PPARA: variants seen among roughly 807,000 people sequenced by gnomAD.
The protein encoded by PPARA is peroxisome proliferator-activated receptor alpha.
In PPARA, 22 loss-of-function variants were observed where a neutral mutation model predicts 42.2. The ratio of observed to expected loss-of-function variants is 0.52; its 90% CI spans 0.37 to 0.74. The LOEUF (loss-of-function observed/expected upper bound fraction) is 0.74, where lower values mean the gene tolerates loss of function less well. PPARA is among the 30% of genes least tolerant of loss of function. The probability of loss-of-function intolerance (pLI) is 0.00; values close to 1 mark genes in which losing one functional copy is unlikely to be tolerated. For missense variants in PPARA, 465 were observed against 608.2 expected (o/e 0.76, Z 2.48); for synonymous variants, 242 against 239.3 (o/e 1.01, Z -0.10).
rs779173255 is a variant in PPARA at position 46,232,218 on chromosome 22, G to C, written c.1138G>C (p.Ala380Pro). 1.2e-6 allele frequency: 2 copies of C among 1,614,022 alleles called. No homozygotes were observed. Among genetic ancestry groups the C allele is most frequent in the East Asian group, 4.5e-5 (2 of 44,876 alleles). Residue 380 changes from alanine (A) to proline (P), a missense_variant, in exon 8 of 9, where the codon GCT becomes CCT. By Grantham distance (27) the Ala-to-Pro change is conservative (BLOSUM62 -1). Around this residue, in one of 2 missense-constraint regions of PPARA, gnomAD observed 313 missense variants for 469.1 expected, o/e 0.67. Transcript: ENST00000407236. This position sits in a 1 kb window ranked among gnomAD's most constrained non-coding sequence, Gnocchi z 5.3. ...LDDSDISLFV[A>P]AIICCGDRPG... Reference sequence around the variant, plus strand: ...TGACAGTGATATCTCCCTTTTTGTGGCTGCTATCATTTGCTGTGGAGGTGA... The same window carrying C: ...TGACAGTGATATCTCCCTTTTTGTGCCTGCTATCATTTGCTGTGGAGGTGA...
In PPARA at chr22:46,200,641, C is replaced by T. The variant is rs1454466779; in HGVS notation, c.208+2050C>T. On this transcript the variant is annotated intron_variant, in intron 4 of 8. Transcript: ENST00000407236. This position sits in a 1 kb window ranked among gnomAD's most constrained non-coding sequence, Gnocchi z 4.8. The stretch of plus-strand genomic sequence containing the variant: ...AGAGAAATTAAGTAACTTGGCTGGG[C>T]GCAGTGGCTCACGCCTGTAATCCCA... 9.2e-5 allele frequency among the ~76,000 whole-genome samples: 14 copies of T among 152,212 alleles called. No homozygotes were observed. Among genetic ancestry groups the T allele is most frequent in the Admixed American group, 3.9e-4 (6 of 15,282 alleles).
chr22:46,217,884 G>A (rs1200204327), intron 5 of PPARA, among the ~76,000 whole-genome samples: 1 of 130,536 alleles, frequency 7.7e-6, no homozygotes, highest in African/African-American at 3.0e-5. Context: ...AGGCTGGAGT[G>A]CAGTGGCACA....
chr22:46,223,107 G>A (rs1935127547), intron 7 of PPARA, among the ~76,000 whole-genome samples: 1 of 152,158 alleles, frequency 6.6e-6, no homozygotes, highest in Non-Finnish European at 1.5e-5. Context: ...AGCGAGCCAC[G>A]ATCGCGCCAC....
At position 46,162,101 on chromosome 22, in the gene PPARA, C is replaced by T. The variant is rs557353215; in HGVS notation, c.-127+10131C>T. On this transcript the variant is annotated intron_variant, in intron 2 of 8. Transcript: ENST00000407236. The surrounding 1 kb of genome is among the most constrained non-coding windows in gnomAD (Gnocchi z 6.0). ...AAGGCAGGACAAGGTGTAGGGTCCT[C>T]ACCCACCACTTAGCAGCTCTCAGAT... is the stretch of plus-strand genomic sequence containing the variant. 6.6e-6 allele frequency among the ~76,000 whole-genome samples: 1 copy of T among 152,338 alleles called. No homozygotes were observed. Among genetic ancestry groups the T allele is most frequent in the South Asian group, 2.1e-4 (1 of 4,824 alleles).
intron 3 of PPARA, 85 bp from the exon 4 acceptor site, chr22:46,198,254 GAAT>G: frequency 2.9e-6 from 1 of 344,978 alleles, no homozygotes; most frequent in Non-Finnish European, 4.5e-6. Context: ...AAAAAAAAAA[GAAT>G]AAATAAATAA....
At position 46,156,923 on chromosome 22, in the gene PPARA, T is replaced by C. The variant is rs1355799722; in HGVS notation, c.-127+4953T>C. Among the ~76,000 whole-genome samples the C allele has an allele frequency of 1.3e-5, 2 of 152,112 alleles. No homozygotes were observed. Among genetic ancestry groups the C allele is most frequent in the Non-Finnish European group, 2.9e-5 (2 of 68,016 alleles). On this transcript the variant is annotated intron_variant, in intron 2 of 8. Coordinates refer to ENST00000407236, the MANE Select transcript of PPARA (RefSeq NM_005036.6). This position sits in a 1 kb window ranked among gnomAD's most constrained non-coding sequence, Gnocchi z 5.2. Reference sequence around the variant, plus strand: ...GGCCTCCTGTGTGTTTTGAAGGTGATTGTGACCTCAGGTTTTGGCAGGGCT... The same window carrying C: ...GGCCTCCTGTGTGTTTTGAAGGTGACTGTGACCTCAGGTTTTGGCAGGGCT...
chr22:46,228,087 A>T (rs1445992427), intron 7 of PPARA, among the ~76,000 whole-genome samples: 1 of 152,272 alleles, frequency 6.6e-6, no homozygotes, highest in Non-Finnish European at 1.5e-5. Context: ...GTTACCACAG[A>T]AGTCCTCATT....
intron 2 of PPARA, among the ~76,000 whole-genome samples, chr22:46,172,424 T>G (rs1249941543): frequency 6.7e-6 from 1 of 149,674 alleles, no homozygotes; most frequent in African/African-American, 2.5e-5. Context: ...AAGTCAGGAG[T>G]TGGAGACCAG....
At chr22:46,218,835 CAAAAAAA>C (rs749022835) in intron 6 of PPARA, among the ~76,000 whole-genome samples, 1 of 69,314 alleles carries the variant, frequency 1.4e-5, no homozygotes, top group Non-Finnish European at 2.9e-5. Context: ...TTCCGTCTCA[CAAAAAAA>C]AAAAAAAGAA....
At chr22:46,175,558 C>CA (rs1366348274) in intron 2 of PPARA, among the ~76,000 whole-genome samples, 1 of 151,716 alleles carries the variant, frequency 6.6e-6, no homozygotes, top group African/African-American at 2.4e-5. Flanking sequence ...CTAAAAAATA[C>CA]AAAAAATTAG....
chr22:46,184,890 G>A lies in PPARA; in HGVS notation c.-43+8054G>A, dbSNP rs1930455121. On this transcript the variant is annotated intron_variant, in intron 3 of 8. Transcript: ENST00000407236. The surrounding 1 kb of genome is among the most constrained non-coding windows in gnomAD (Gnocchi z 4.4). The stretch of plus-strand genomic sequence containing the variant: ...AAAAGTATTCTGTTGGATCGTTTGT[G>A]TGCGACGTGTTTTTCCCTCTCAGAA... 6.6e-6 allele frequency among the ~76,000 whole-genome samples: 1 copy of A among 152,124 alleles called. No individual in the cohort carries two copies. The highest frequency in any genetic ancestry group is 2.4e-5 in the African/African-American group (1 of 41,424).
intron 7 of PPARA, among the ~76,000 whole-genome samples, chr22:46,228,644 A>G (rs1037218077): frequency 8.5e-5 from 13 of 152,198 alleles, no homozygotes; most frequent in Admixed American, 7.2e-4. Flanking sequence ...AAAAACAATA[A>G]ATAACACCAA....
At chr22:46,155,748 C>T (rs1925212489) in intron 2 of PPARA, 1 of 152,208 alleles carries the variant, frequency 6.6e-6, no homozygotes, top group Non-Finnish European at 1.5e-5. Flanking sequence ...AACTTGGGCA[C>T]AGAATTTACA....
At chr22:46,174,138 A>G (rs908770606) in intron 2 of PPARA, among the ~76,000 whole-genome samples, 7 of 150,878 alleles carry the variant, frequency 4.6e-5, no homozygotes, top group Non-Finnish European at 8.9e-5. Context: ...AGATTGCACC[A>G]CTGCACTGCA....
rs949623132 is a variant in PPARA at position 46,183,477 on chromosome 22, C to G, written c.-43+6641C>G. On this transcript the variant is annotated intron_variant, in intron 3 of 8. Transcript: ENST00000407236. The surrounding 1 kb of genome is among the most constrained non-coding windows in gnomAD (Gnocchi z 5.5). ...GATTATCAGGTCAGGCTCAATGGCTCACGCCAGTAGTCCCAGCACTTTGCG... is the reference window on the plus strand; with the variant it reads ...GATTATCAGGTCAGGCTCAATGGCTGACGCCAGTAGTCCCAGCACTTTGCG... 6.6e-6 allele frequency among the ~76,000 whole-genome samples: 1 copy of G among 152,224 alleles called. No homozygotes were observed. Among genetic ancestry groups the G allele is most frequent in the Non-Finnish European group, 1.5e-5 (1 of 68,038 alleles).
At chr22:46,220,326 T>C (rs1044653364) in intron 7 of PPARA, 23 of 385,140 alleles carry the variant, frequency 6.0e-5, no homozygotes, top group Non-Finnish European at 1.0e-4. Context: ...GCATTTTTTC[T>C]TAAATAGAGA....
chr22:46,198,437 T>C lies in PPARA; in HGVS notation c.54T>C (p.Asp18=). Residue 18 remains aspartate (D), a synonymous_variant, in exon 4 of 9, where the codon GAT becomes GAC. Transcript: ENST00000407236. The stretch of plus-strand genomic sequence containing the variant: ...CCCTCTCCCCACTCGAGGCCGGCGA[T>C]CTAGAGAGCCCGTTATCTGAAGAGT... ...LCPLSPLEAG[D]LESPLSEEFL... is the part of the protein sequence containing the mutation. The C allele has an allele frequency of 6.2e-7, 1 of 1,613,828 alleles. No homozygotes were observed. The highest frequency in any genetic ancestry group is 8.5e-7 in the Non-Finnish European group (1 of 1,179,944).
Position 46,236,572 on chromosome 22 carries a change from G to C in PPARA, c.*1192G>C, listed in dbSNP as rs534547929. 2 of 152,774 alleles carry C rather than the reference G, an allele frequency of 1.3e-5. No individual in the cohort carries two copies. The highest frequency in any genetic ancestry group is 4.1e-4 in the South Asian group (2 of 4,832). 9.5% of individuals were successfully genotyped at this position (152,774 alleles called of 1,614,324 possible). A position where few individuals can be genotyped will look rare whatever the true frequency, so the allele number is the denominator to read the frequency against. On this transcript the variant is annotated 3_prime_UTR_variant, in exon 9 of 9. Transcript: ENST00000407236. This position sits in a 1 kb window ranked among gnomAD's most constrained non-coding sequence, Gnocchi z 5.2. Reference sequence around the variant, plus strand: ...TTAGGGACAGACTGACACCTTACTTGTCAGTGTTCCTCCGGGCCCCATTTG... The same window carrying C: ...TTAGGGACAGACTGACACCTTACTTCTCAGTGTTCCTCCGGGCCCCATTTG...
Position 46,233,796 on chromosome 22 carries a change from G to A in PPARA, c.1160-1337G>A, listed in dbSNP as rs954355557. Among the ~76,000 whole-genome samples the A allele has an allele frequency of 3.3e-5, 5 of 151,888 alleles. No homozygotes were observed. The highest frequency in any genetic ancestry group is 2.6e-4 in the Admixed American group (4 of 15,250). On this transcript the variant is annotated intron_variant, in intron 8 of 8. Transcript: ENST00000407236. This position sits in a 1 kb window ranked among gnomAD's most constrained non-coding sequence, Gnocchi z 7.3. ...TATTATGGTGGGATTAAAATTATGA[G>A]GGGGGATTTCTATTTTTCAAAAGAT...
Sources: gnomAD v4.1 joint callset for allele counts (sites outside exome capture counted in the v4.1 genomes callset) on GRCh38, gnomAD v4.1.1 for gene constraint, gnomAD v4.1.1 regional missense constraint, Gnocchi (gnomAD v3.1) non-coding constraint, MANE v1.5 for transcripts, NCBI Gene and HGNC (gene_info 2026-07-23, HGNC 2026-07-21) for gene names.